The following CNTN4 variants were observed in gnomAD, a reference collection of about 807,000 sequenced individuals.
The protein encoded by CNTN4 is contactin 4.
CNTN4 carries 77 observed loss-of-function variants against 122.5 expected under a neutral mutation model. The ratio of observed to expected loss-of-function variants is 0.63; its 90% CI spans 0.52 to 0.76. The LOEUF (loss-of-function observed/expected upper bound fraction) is 0.76. CNTN4 is among the 30% of genes least tolerant of loss of function. The pLI is 0.00. For synonymous variants in CNTN4, 512 were observed against 447.0 expected, an observed-to-expected ratio of 1.15 and a Z score of -1.83; for missense variants, 1,256 against 1,259.1, an observed-to-expected ratio of 1.00 and a Z score of 0.04.
chr3:2,770,230 A>G (rs924761132), intron 6 of CNTN4, among the ~76,000 whole-genome samples: 1 of 151,936 alleles, frequency 6.6e-6, no homozygotes, highest in Non-Finnish European at 1.5e-5. Context: ...GGGTTTCACT[A>G]TGTTGGCCAA....
At chr3:2,778,992 T>C (rs954589614) in intron 6 of CNTN4, among the ~76,000 whole-genome samples, 2 of 152,238 alleles carry the variant, frequency 1.3e-5, no homozygotes, top group African/African-American at 4.8e-5. Flanking sequence ...GCTCAGACTC[T>C]TTACTGTGTT....
intron 2 of CNTN4, among the ~76,000 whole-genome samples, chr3:2,121,456 C>T (rs916853842): frequency 2.0e-5 from 3 of 150,770 alleles, no homozygotes; most frequent in African/African-American, 4.9e-5. Context: ...CGAGATCACA[C>T]CACTGCACCC....
At chr3:2,883,507 G>A (rs1266994690) in intron 9 of CNTN4, among the ~76,000 whole-genome samples, 1 of 152,164 alleles carries the variant, frequency 6.6e-6, no homozygotes, top group African/African-American at 2.4e-5. Context: ...AAAGTATTTT[G>A]TTCTATTATC....
At chr3:2,950,455 G>A (rs9839359) in intron 13 of CNTN4, among the ~76,000 whole-genome samples, 4 of 152,212 alleles carry the variant, frequency 2.6e-5, no homozygotes, top group Admixed American at 2.6e-4. Flanking sequence ...CTTGTGCTCA[G>A]CAGTTAGGCC....
intron 6 of CNTN4, among the ~76,000 whole-genome samples, chr3:2,794,755 A>C (rs1230946803): frequency 6.6e-6 from 1 of 152,222 alleles, no homozygotes; most frequent in African/African-American, 2.4e-5. Context: ...CATTTCTTAC[A>C]GTTATGGAGC....
intron 3 of CNTN4, among the ~76,000 whole-genome samples, chr3:2,545,746 G>T (rs1192970280): frequency 6.7e-6 from 1 of 149,486 alleles, no homozygotes; most frequent in African/African-American, 2.5e-5. Context: ...CCTTTATCTT[G>T]AGCCTGTGAG....
In CNTN4 at chr3:2,571,522, C is replaced by G; in HGVS notation, c.19C>G (p.Leu7Val). 1 of 1,613,844 alleles carries G rather than the reference C, an allele frequency of 6.2e-7. No individual in the cohort carries two copies. Among genetic ancestry groups the G allele is most frequent in the Non-Finnish European group, 8.5e-7 (1 of 1,179,714 alleles). MRLPWELLVLQSFILCL... is the reference protein window; with the variant it reads MRLPWEVLVLQSFILCL... ...ACTGAAGATGAGGTTGCCATGGGAA[C>G]TGCTGGTACTGCAATCATTCATTTT... Residue 7 changes from leucine (L) to valine (V), a missense_variant, in exon 4 of 25, where the codon CTG becomes GTG. Leu to Val is a conservative substitution (Grantham distance 32). Coordinates refer to ENST00000418658, the MANE Select transcript of CNTN4 (RefSeq NM_175607.3).
At chr3:2,169,759 A>G (rs540545217) in intron 2 of CNTN4, among the ~76,000 whole-genome samples, 265 of 152,254 alleles carry the variant, frequency 1.7e-3, no homozygotes, top group African/African-American at 6.0e-3. Flanking sequence ...AATTCACTGT[A>G]AACAGTAAAA....
intron 3 of CNTN4, among the ~76,000 whole-genome samples, chr3:2,432,681 T>C (rs1404258332): frequency 1.3e-5 from 2 of 152,086 alleles, no homozygotes; most frequent in African/African-American, 4.8e-5. Flanking sequence ...TGTGTGTGTA[T>C]GTATATATAT....
At chr3:2,591,055 G>A (rs1430811710) in intron 4 of CNTN4, among the ~76,000 whole-genome samples, 1 of 152,110 alleles carries the variant, frequency 6.6e-6, no homozygotes, top group Non-Finnish European at 1.5e-5. Context: ...TGGAAACAGT[G>A]CCTAGACCAT....
chr3:2,987,934 A>G (rs1694727402), intron 13 of CNTN4, among the ~76,000 whole-genome samples: 1 of 152,212 alleles, frequency 6.6e-6, no homozygotes, highest in Admixed American at 6.5e-5. Context: ...TTAGAAAAAA[A>G]CACTTTCAAT....
At chr3:2,618,616 C>T (rs1316141421) in intron 4 of CNTN4, among the ~76,000 whole-genome samples, 1 of 152,006 alleles carries the variant, frequency 6.6e-6, no homozygotes, top group Non-Finnish European at 1.5e-5. Context: ...TCAAGGTGCC[C>T]CAAATAGTAG....
chr3:2,917,028 A>G (rs974236576), intron 12 of CNTN4, among the ~76,000 whole-genome samples: 1 of 125,046 alleles, frequency 8.0e-6, no homozygotes, highest in African/African-American at 3.0e-5. Flanking sequence ...CACTGAGTGA[A>G]CCAGACTCCG....
At chr3:2,317,223 TAAAG>T (rs371629784) in intron 2 of CNTN4, among the ~76,000 whole-genome samples, 6 of 152,334 alleles carry the variant, frequency 3.9e-5, no homozygotes, top group African/African-American at 1.2e-4. Context: ...TGGATTATCA[TAAAG>T]AAGACAAGTT....
intron 6 of CNTN4, among the ~76,000 whole-genome samples, chr3:2,802,610 G>C (rs1266378482): frequency 1.3e-5 from 2 of 152,140 alleles, no homozygotes; most frequent in African/African-American, 4.8e-5. Context: ...AACAAGTAAA[G>C]CAAGGTTATG....
At position 2,224,578 on chromosome 3, in the gene CNTN4, T is replaced by A. The variant is rs144660157; in HGVS notation, c.-144-114600T>A. On this transcript the variant is annotated intron_variant, in intron 2 of 24. Transcript: ENST00000418658. ...CCATGAGTACAACTTAGATTCTGAG[T>A]CCTGTGAGTTCTAGTGAATCTCTGA... Among the ~76,000 whole-genome samples the A allele has an allele frequency of 4.3e-3, 654 of 152,254 alleles. 5 individuals carry two copies. Among genetic ancestry groups the A allele is most frequent in the African/African-American group, 0.015 (614 of 41,540 alleles).
At chr3:2,389,479 C>G (rs1235595267) in intron 3 of CNTN4, among the ~76,000 whole-genome samples, 1 of 152,190 alleles carries the variant, frequency 6.6e-6, no homozygotes. Flanking sequence ...GATCCCAGTT[C>G]TACTACTGAT....
At chr3:2,976,172 C>G (rs975656010) in intron 13 of CNTN4, among the ~76,000 whole-genome samples, 6 of 152,146 alleles carry the variant, frequency 3.9e-5, no homozygotes, top group Non-Finnish European at 8.8e-5. Flanking sequence ...TCATCATGCA[C>G]TGTGTCACGA....
chr3:2,684,711 T>C (rs1199148894), intron 4 of CNTN4, among the ~76,000 whole-genome samples: 1 of 152,198 alleles, frequency 6.6e-6, no homozygotes, highest in Admixed American at 6.6e-5. Context: ...CTAAATTATT[T>C]TTCAAAGTAC....
Sources: gnomAD v4.1 joint callset for allele counts (sites outside exome capture counted in the v4.1 genomes callset) on GRCh38, gnomAD v4.1.1 for gene constraint, MANE v1.5 for transcripts, NCBI Gene and HGNC (gene_info 2026-07-23, HGNC 2026-07-21) for gene names.